HDAC9: variants seen among roughly 807,000 people sequenced by gnomAD.
HDAC9 encodes the protein histone deacetylase 9.
A neutral mutation model predicts 139.4 loss-of-function variants in HDAC9; 41 were observed. That is an observed-to-expected ratio of 0.29 (90% CI 0.23 to 0.38). HDAC9 has a LOEUF of 0.38. HDAC9 is among the 10% of genes least tolerant of loss of function. The pLI is 1.00. For synonymous variants in HDAC9, 517 were observed against 476.2 expected (o/e 1.09, Z -1.12); for missense variants, 1,147 against 1,297.0 (o/e 0.88, Z 1.78).
intron 2 of HDAC9, among the ~76,000 whole-genome samples, chr7:18,241,660 A>C (rs1383672198): frequency 6.6e-6 from 1 of 152,212 alleles, no homozygotes; most frequent in Admixed American, 6.5e-5. Context: ...TTTAGTGAGA[A>C]GTGTTCTGGT....
chr7:18,491,409 A>AATGG (rs1796355400), upstream of HDAC9, among the ~76,000 whole-genome samples: 1 of 151,996 alleles, frequency 6.6e-6, no homozygotes, highest in Admixed American at 6.6e-5. Flanking sequence ...ATAGGTCAAA[A>AATGG]ATGGAAATGT....
chr7:18,214,193 A>C (rs1792136549), intron 2 of HDAC9, among the ~76,000 whole-genome samples: 1 of 152,104 alleles, frequency 6.6e-6, no homozygotes, highest in East Asian at 1.9e-4. Flanking sequence ...ATAGAGTATA[A>C]TTGTTCTAGA....
intron 14 of HDAC9, among the ~76,000 whole-genome samples, chr7:18,749,413 A>T (rs958933279): frequency 7.2e-5 from 11 of 152,292 alleles, no homozygotes; most frequent in Admixed American, 2.6e-4. Flanking sequence ...ACTGTTTGTA[A>T]ACAGACATTA....
intron 2 of HDAC9, among the ~76,000 whole-genome samples, chr7:18,584,651 A>G (rs17139365): frequency 0.02 from 3,046 of 152,190 alleles, 51 homozygotes; most frequent in Middle Eastern, 0.075. Context: ...ATTATTACCA[A>G]TTCAACATCA....
chr7:18,255,554 C>A (rs933995169), intron 2 of HDAC9, among the ~76,000 whole-genome samples: 14 of 151,816 alleles, frequency 9.2e-5, no homozygotes, highest in African/African-American at 3.4e-4. Context: ...CTGTGGATAA[C>A]CTTAAAAGCC....
chr7:18,511,066 A>C (rs1801359108), intron 2 of HDAC9, among the ~76,000 whole-genome samples: 3 of 152,332 alleles, frequency 2.0e-5, no homozygotes, highest in Admixed American at 2.0e-4. Flanking sequence ...CATGGTGAAC[A>C]AATGTATGCC....
In HDAC9 at chr7:18,515,659, A is replaced by G. The variant is rs577115008; in HGVS notation, c.22+19335A>G. ...GGGGGTTCCATCCCTGAGCACATTCATTAGCATTTAAAGGAAATAGTTATA... is the reference window on the plus strand; with the variant it reads ...GGGGGTTCCATCCCTGAGCACATTCGTTAGCATTTAAAGGAAATAGTTATA... On this transcript the variant is annotated intron_variant, in intron 2 of 25. Coordinates refer to ENST00000686413, the MANE Select transcript of HDAC9 (RefSeq NM_178425.4). Among the ~76,000 whole-genome samples the G allele has an allele frequency of 3.7e-4, 56 of 152,364 alleles. No homozygotes were observed. In the South Asian group the frequency reaches 0.012, roughly 32 times the overall value.
At position 18,727,735 on chromosome 7, in the gene HDAC9, C is replaced by G; in HGVS notation, c.1887C>G (p.Pro629=). The G allele has an allele frequency of 6.5e-7, 1 of 1,543,490 alleles. No individual in the cohort carries two copies. Among genetic ancestry groups the G allele is most frequent in the Non-Finnish European group, 8.7e-7 (1 of 1,153,452 alleles). ...TACCTCACCCAGCAATGGACCGCCC[C>G]CTCCAGCCTGGCTCTGCAACTGGTA... ...SVLPHPAMDR[P]LQPGSATGIA... Residue 629 remains proline, a synonymous_variant, in exon 13 of 26, where the codon CCC becomes CCG. Transcript: ENST00000686413.
chr7:18,374,197 G>T (rs1784807627), intron 1 of HDAC9, among the ~76,000 whole-genome samples: 1 of 138,410 alleles, frequency 7.2e-6, no homozygotes, highest in South Asian at 2.3e-4. Flanking sequence ...GTATGTATGT[G>T]TGTATATATA....
intron 1 of HDAC9, among the ~76,000 whole-genome samples, chr7:18,424,482 T>C (rs1230523564): frequency 1.3e-5 from 2 of 152,242 alleles, no homozygotes; most frequent in Non-Finnish European, 2.9e-5. Flanking sequence ...ATTTTTACTT[T>C]ATATAATGAC....
intron 2 of HDAC9, among the ~76,000 whole-genome samples, chr7:18,530,107 C>T (rs1368106371): frequency 1.3e-5 from 2 of 151,722 alleles, no homozygotes; most frequent in Non-Finnish European, 2.9e-5. Flanking sequence ...AAGCAAGATC[C>T]AGTCTCTACG....
chr7:18,831,521 G>A (rs757963586), intron 19 of HDAC9, among the ~76,000 whole-genome samples: 19 of 152,134 alleles, frequency 1.2e-4, no homozygotes, highest in Admixed American at 3.3e-4. Context: ...CCAACAGGCT[G>A]TAGTAGACGA....
intron 1 of HDAC9, among the ~76,000 whole-genome samples, chr7:18,316,536 A>G (rs1274099310): frequency 6.7e-6 from 1 of 149,222 alleles, no homozygotes; most frequent in African/African-American, 2.5e-5. Context: ...GGTGGCTCAT[A>G]CCCATAATCT....
intron 21 of HDAC9, among the ~76,000 whole-genome samples, chr7:18,841,040 G>T (rs934520901): frequency 6.6e-5 from 10 of 152,112 alleles, no homozygotes; most frequent in African/African-American, 2.4e-4. Flanking sequence ...TCTTAGAATG[G>T]TTGGGTTTAC....
At chr7:18,574,685 C>T (rs1302798413) in intron 2 of HDAC9, among the ~76,000 whole-genome samples, 1 of 152,240 alleles carries the variant, frequency 6.6e-6, no homozygotes, top group Non-Finnish European at 1.5e-5. Context: ...CTCTTTGGTG[C>T]CCAAGTCCAA....
rs539844246 is a variant in HDAC9 at position 18,366,730 on chromosome 7, G to A, written c.-42+76215G>A. Among the ~76,000 whole-genome samples the A allele has an allele frequency of 2.0e-5, 3 of 152,214 alleles. No individual in the cohort carries two copies. In the East Asian group the frequency reaches 5.8e-4, roughly 29 times the overall value. On this transcript the variant is annotated intron_variant, in intron 1 of 3. Coordinates refer to the HDAC9 transcript ENST00000413509. The stretch of plus-strand genomic sequence containing the variant: ...AGTTCTCCATCTTTGTAGTTGCAGA[G>A]TTATAACTTGGTTTCTAAAAGAAAT...
At chr7:18,558,776 G>A (rs1307104377) in intron 2 of HDAC9, among the ~76,000 whole-genome samples, 2 of 152,132 alleles carry the variant, frequency 1.3e-5, no homozygotes, top group Non-Finnish European at 1.5e-5. Context: ...AAATGGTCTC[G>A]ATTCAGTAAT....
chr7:18,101,237 A>G (rs373871447), intron 1 of HDAC9, among the ~76,000 whole-genome samples: 1 of 152,002 alleles, frequency 6.6e-6, no homozygotes, highest in South Asian at 2.1e-4. Context: ...AGTTCCTCCA[A>G]TTCATCTCCT....
At chr7:18,863,350 G>A (rs1798252163) in intron 21 of HDAC9, among the ~76,000 whole-genome samples, 1 of 152,162 alleles carries the variant, frequency 6.6e-6, no homozygotes, top group Non-Finnish European at 1.5e-5. Flanking sequence ...GGGCCACATG[G>A]GGCCCAGGAC....
Sources: allele counts gnomAD v4.1 joint callset (sites outside exome capture counted in the v4.1 genomes callset), GRCh38; gene constraint gnomAD v4.1.1; transcripts MANE v1.5; gene names NCBI Gene and HGNC (gene_info 2026-07-23, HGNC 2026-07-21).